Variants in DIS3L2 observed in about 807,000 individuals in gnomAD.
DIS3L2 encodes DIS3-like exonuclease 2.
In DIS3L2, 34 loss-of-function variants were observed where a neutral mutation model predicts 97.5. The ratio of observed to expected loss-of-function variants is 0.35; its 90% confidence interval spans 0.27 to 0.46. The LOEUF is 0.46. Among genes scored for constraint, DIS3L2 ranks in the 20% least tolerant of loss-of-function variants. The probability of loss-of-function intolerance (pLI) is 1.00; values close to 1 mark genes in which losing one functional copy is unlikely to be tolerated. For missense variants in DIS3L2, 1,038 were observed against 1,146.0 expected, an observed-to-expected ratio of 0.91 and a Z score of 1.36; for synonymous variants, 435 against 445.2, an observed-to-expected ratio of 0.98 and a Z score of 0.29.
intron 7 of DIS3L2, chr2:232,130,968 A>G (rs1251816648): frequency 2.2e-6 from 1 of 451,574 alleles, no homozygotes; most frequent in Non-Finnish European, 3.8e-6. Flanking sequence ...GTTCTGTGTT[A>G]TCTTTCTTGC....
chr2:232,320,713 T>C (rs2106339161), intron 14 of DIS3L2, among the ~76,000 whole-genome samples: 1 of 152,340 alleles, frequency 6.6e-6, no homozygotes, highest in South Asian at 2.1e-4. Context: ...CACTCAACGT[T>C]TTCTGTGGAG....
At chr2:232,087,873 GGTT>G in intron 6 of DIS3L2, 152 bp downstream of exon 6, 1 of 628,360 alleles carries the variant, frequency 1.6e-6, no homozygotes, top group Non-Finnish European at 2.7e-6. Context: ...ATCTTTGACA[GGTT>G]TAGCTGCTGG....
intron 4 of DIS3L2, among the ~76,000 whole-genome samples, chr2:232,028,112 G>A (rs1271023752): frequency 2.6e-5 from 4 of 152,110 alleles, no homozygotes; most frequent in Admixed American, 6.5e-5. Flanking sequence ...TGTGACCATC[G>A]TGGCATATTT....
intron 10 of DIS3L2, among the ~76,000 whole-genome samples, chr2:232,217,089 C>T (rs887098503): frequency 6.6e-6 from 1 of 152,170 alleles, no homozygotes; most frequent in Non-Finnish European, 1.5e-5. Flanking sequence ...GATCCGCCTG[C>T]CTTGGCCTCC....
chr2:232,278,994 A>G (rs56176260), intron 13 of DIS3L2, among the ~76,000 whole-genome samples: 8,019 of 152,042 alleles, frequency 0.053, 800 homozygotes, highest in East Asian at 0.44. Context: ...CTGGAGTGCA[A>G]TGGTACAATC....
At chr2:232,342,905 G>A (rs1044175517) in intron 13 of DIS3L2, among the ~76,000 whole-genome samples, 6 of 152,160 alleles carry the variant, frequency 3.9e-5, no homozygotes, top group African/African-American at 1.4e-4. Flanking sequence ...TTCTGCAGAA[G>A]AGTGTGCCCC....
chr2:232,115,270 C>T (rs1324438029), intron 6 of DIS3L2, among the ~76,000 whole-genome samples: 1 of 151,922 alleles, frequency 6.6e-6, no homozygotes. Context: ...GCCTCTGTTT[C>T]CCTTAGCAGG....
chr2:232,289,398 G>T (rs1263972517), intron 13 of DIS3L2, among the ~76,000 whole-genome samples: 1 of 151,824 alleles, frequency 6.6e-6, no homozygotes, highest in Non-Finnish European at 1.5e-5. Context: ...TCAGCCTCCC[G>T]AGTAGCTGGG....
rs1553551852 is a variant in DIS3L2, at chr2:232,334,650, C to T, written c.2309C>T (p.Ser770Leu). The T allele has an allele frequency of 1.2e-6, 2 of 1,609,278 alleles. No homozygotes were observed. The highest frequency in any genetic ancestry group is 1.7e-6 in the Non-Finnish European group (2 of 1,178,150). ...CTGCAGGAGAGTGGCCCCCTGGAGTCAGAAGCCATGGTGATGGGCATCCTG... is the reference window on the plus strand; with the variant it reads ...CTGCAGGAGAGTGGCCCCCTGGAGTTAGAAGCCATGGTGATGGGCATCCTG... Reference protein sequence around the residue: ...VLVKESGPLESEAMVMGILKQ... With the variant: ...VLVKESGPLELEAMVMGILKQ... The change falls in exon 19 of 21, where the codon TCA becomes TTA. Residue 770 changes from serine to leucine, a missense_variant. By Grantham distance (145) the Ser-to-Leu change is moderately radical (BLOSUM62 -2). This residue lies in a region of DIS3L2 where 221 missense variants were observed against 246.9 expected (regional missense o/e 0.90). Transcript: ENST00000325385.
At chr2:232,200,006 C>T (rs546773874) in intron 9 of DIS3L2, among the ~76,000 whole-genome samples, 1 of 152,274 alleles carries the variant, frequency 6.6e-6, no homozygotes, top group Admixed American at 6.5e-5. Flanking sequence ...GAACTATATA[C>T]CCATAGTGAG....
rs1277322668 is a variant in DIS3L2, at chr2:232,273,027, C to CCTCCACCTTCACCCTGTGACCTT, written c.1659+9613_1659+9635dup. On this transcript the variant is annotated intron_variant, in intron 13 of 20. Transcript: ENST00000325385. ...AAGAAAGTCCTACCCCCAGCCTACT[C>CCTCCACCTTCACCCTGTGACCTT]CTCCACCTTCACCCTGTGACCTTCT... 2.6e-5 allele frequency among the ~76,000 whole-genome samples: 4 copies of CCTCCACCTTCACCCTGTGACCTT among 152,192 alleles called. No homozygotes were observed. The South Asian group carries it at 8.3e-4, about 32-fold the overall frequency.
chr2:232,123,172 C>T (rs766341083), intron 6 of DIS3L2, among the ~76,000 whole-genome samples: 16 of 152,136 alleles, frequency 1.1e-4, no homozygotes, highest in Non-Finnish European at 2.2e-4. Flanking sequence ...AGAGCTTGGA[C>T]GTGGAGTCAG....
intron 13 of DIS3L2, among the ~76,000 whole-genome samples, chr2:232,267,067 C>T (rs1693872854): frequency 6.6e-6 from 1 of 152,186 alleles, no homozygotes; most frequent in African/African-American, 2.4e-5. Flanking sequence ...TGTAGAGCAA[C>T]TTGACCATTG....
chr2:231,972,059 C>T (rs1025863447), intron 1 of DIS3L2, among the ~76,000 whole-genome samples: 9 of 151,666 alleles, frequency 5.9e-5, no homozygotes, highest in Admixed American at 5.2e-4. Flanking sequence ...GTGGTGTGCA[C>T]CTGTAATCCC....
chr2:232,339,399 G>A (rs115002984), downstream of DIS3L2, among the ~76,000 whole-genome samples: 8 of 152,288 alleles, frequency 5.3e-5, no homozygotes, highest in East Asian at 7.7e-4. Context: ...CAGGCAGGAG[G>A]GGCTGTGATT....
chr2:232,004,372 T>C (rs976138723), intron 1 of DIS3L2, among the ~76,000 whole-genome samples: 1 of 152,118 alleles, frequency 6.6e-6, no homozygotes, highest in Non-Finnish European at 1.5e-5. Context: ...CCAGGCCAAT[T>C]ACCTTTATGT....
chr2:232,086,721 A>G (rs1160146314), intron 5 of DIS3L2, among the ~76,000 whole-genome samples: 3 of 146,050 alleles, frequency 2.1e-5, no homozygotes, highest in Non-Finnish European at 4.5e-5. Flanking sequence ...TGTCACCCAG[A>G]CTGGATGGAG....
At position 232,197,852 on chromosome 2, in the gene DIS3L2, T is replaced by C. The variant is rs1172626239; in HGVS notation, c.1125-12474T>C. 2.6e-5 allele frequency among the ~76,000 whole-genome samples: 4 copies of C among 151,882 alleles called. No homozygotes were observed. The East Asian group carries it at 7.8e-4, about 30-fold the overall frequency. Reference sequence around the variant, plus strand: ...GTGGTGGCACGTGCTCCTAGCTACTTGGCAGGCTGAGGCAGGAGAATCACT... The same window carrying C: ...GTGGTGGCACGTGCTCCTAGCTACTCGGCAGGCTGAGGCAGGAGAATCACT... On this transcript the variant is annotated intron_variant, in intron 9 of 20. Transcript: ENST00000325385.
chr2:232,323,577 AG>A (rs1480559079), intron 14 of DIS3L2, among the ~76,000 whole-genome samples: 3 of 152,172 alleles, frequency 2.0e-5, no homozygotes, highest in South Asian at 4.1e-4. Context: ...CCTCCCCTGC[AG>A]GCATATGATG....
Sources: gnomAD v4.1 joint callset for allele counts (sites outside exome capture counted in the v4.1 genomes callset) on GRCh38, gnomAD v4.1.1 for gene constraint, gnomAD v4.1.1 regional missense constraint, MANE v1.5 for transcripts, NCBI Gene and HGNC (gene_info 2026-07-23, HGNC 2026-07-21) for gene names.